The following TMPRSS11E variants were observed in gnomAD, a reference collection of about 807,000 sequenced individuals.
The protein encoded by TMPRSS11E is transmembrane serine protease 11E, also known as transmembrane protease serine 11E.
A neutral mutation model predicts 48.1 loss-of-function variants in TMPRSS11E; 38 were observed. That is an observed-to-expected ratio of 0.79 (90% CI 0.61 to 1.04). The LOEUF (loss-of-function observed/expected upper bound fraction) is 1.04. Among genes scored for constraint, TMPRSS11E ranks in the 50% least tolerant of loss-of-function variants. The probability of loss-of-function intolerance (pLI) is 0.00; values close to 1 mark genes in which losing one functional copy is unlikely to be tolerated. For missense variants in TMPRSS11E, 530 were observed against 510.8 expected, an observed-to-expected ratio of 1.04 and a Z score of -0.36; for synonymous variants, 158 against 171.9, an observed-to-expected ratio of 0.92 and a Z score of 0.63.
rs148289963 is a variant in TMPRSS11E, at chr4:68,496,587, C to T, written c.1111-56C>T. 9.9e-3 allele frequency: 14,865 copies of T among 1,501,082 alleles called. 119 individuals are homozygous for T. The highest frequency in any genetic ancestry group is 0.019 in the Middle Eastern group (107 of 5,608). 93.0% of individuals were successfully genotyped at this position (1,501,082 alleles called of 1,614,324 possible). On this transcript the variant is annotated intron_variant, in intron 9 of 9. Coordinates refer to ENST00000305363, the MANE Select transcript of TMPRSS11E (RefSeq NM_014058.4). ...TACATTCTTAAGTTAGAAAAATAGCCAATTCCTCTGTAATGAACTGAATTA... is the reference window on the plus strand; with the variant it reads ...TACATTCTTAAGTTAGAAAAATAGCTAATTCCTCTGTAATGAACTGAATTA...
chr4:68,484,911 T>C (rs1404406803), intron 9 of TMPRSS11E, among the ~76,000 whole-genome samples: 2 of 152,188 alleles, frequency 1.3e-5, no homozygotes, highest in Non-Finnish European at 2.9e-5. Context: ...TAGTTTGACT[T>C]CCTCTCTTCT....
intron 4 of TMPRSS11E, among the ~76,000 whole-genome samples, chr4:68,469,220 A>G (rs1045167624): frequency 3.9e-5 from 6 of 152,044 alleles, no homozygotes; most frequent in Admixed American, 2.0e-4. Context: ...AGTACTAAAT[A>G]CAGATAGACC....
intron 2 of TMPRSS11E, among the ~76,000 whole-genome samples, chr4:68,464,206 CA>C (rs1255506279): frequency 6.6e-6 from 1 of 152,144 alleles, no homozygotes; most frequent in East Asian, 1.9e-4. Context: ...CTTTGGCAGA[CA>C]AATATTTAGA....
chr4:68,475,840 G>A (rs909807010), intron 6 of TMPRSS11E, among the ~76,000 whole-genome samples: 5 of 152,090 alleles, frequency 3.3e-5, no homozygotes, highest in Admixed American at 1.3e-4. Context: ...AGAATTAAAT[G>A]GTTCAATATG....
At chr4:68,464,962 A>G (rs1205361368) in intron 2 of TMPRSS11E, among the ~76,000 whole-genome samples, 1 of 152,234 alleles carries the variant, frequency 6.6e-6, no homozygotes, top group Non-Finnish European at 1.5e-5. Flanking sequence ...GCAGAATTCT[A>G]GAAGAATGGA....
At chr4:68,449,482 A>G (rs182440326) in intron 1 of TMPRSS11E, among the ~76,000 whole-genome samples, 13 of 151,756 alleles carry the variant, frequency 8.6e-5, no homozygotes, top group African/African-American at 2.9e-4. Context: ...GAAATGAGTA[A>G]TATTCAAATG....
At chr4:68,468,383 C>T (rs1238414193) in intron 3 of TMPRSS11E, among the ~76,000 whole-genome samples, 2 of 152,052 alleles carry the variant, frequency 1.3e-5, no homozygotes, top group Non-Finnish European at 2.9e-5. Flanking sequence ...TTCACCTGGG[C>T]CTTTTTAAGA....
At chr4:68,493,905 C>A (rs769792140) in intron 9 of TMPRSS11E, among the ~76,000 whole-genome samples, 6 of 152,130 alleles carry the variant, frequency 3.9e-5, no homozygotes, top group Non-Finnish European at 7.3e-5. Flanking sequence ...TTCCTTGAAT[C>A]TCCTACTGTT....
At chr4:68,480,956 A>T (rs1212660493) in intron 9 of TMPRSS11E, among the ~76,000 whole-genome samples, 1 of 151,910 alleles carries the variant, frequency 6.6e-6, no homozygotes, top group Non-Finnish European at 1.5e-5. Flanking sequence ...TCCTCCTCCC[A>T]CCCTCAACCC....
In TMPRSS11E at chr4:68,471,520, G is replaced by A. The variant is rs753194655; in HGVS notation, c.387G>A (p.Glu129=). 1.7e-4 allele frequency: 281 copies of A among 1,609,820 alleles called. No individual in the cohort carries two copies. Among genetic ancestry groups the A allele is most frequent in the Non-Finnish European group, 2.2e-4 (262 of 1,178,232 alleles). Residue 129 remains glutamate (E), a synonymous_variant, in exon 5 of 10, where the codon GAG becomes GAA. Coordinates refer to ENST00000305363, the MANE Select transcript of TMPRSS11E (RefSeq NM_014058.4). ...MLLICRFHST[E]DPETVDKIVQ... is the part of the protein sequence containing the mutation. ...TGATTTGTAGATTTCACTCTACTGA[G>A]GATCCTGAAACTGTAGATAAAATTG...
Position 68,476,352 on chromosome 4 carries a change from T to C in TMPRSS11E, c.621T>C (p.Ala207=), listed in dbSNP as rs1222849320. 6.2e-7 allele frequency: 1 copy of C among 1,614,068 alleles called. No homozygotes were observed. The highest frequency in any genetic ancestry group is 8.5e-7 in the Non-Finnish European group (1 of 1,180,008). The part of the protein sequence containing the change: ...EVEEGEWPWQ[A]SLQWDGSHRC... ...AAGAGGGTGAATGGCCCTGGCAGGC[T>C]AGCCTGCAGTGGGATGGGAGTCATC... is the stretch of plus-strand genomic sequence containing the variant. The change falls in exon 7 of 10, where the codon GCT becomes GCC. Residue 207 remains alanine (A), a synonymous_variant. Transcript: ENST00000305363.
At chr4:68,478,545 C>T (rs1439404025) in intron 8 of TMPRSS11E, among the ~76,000 whole-genome samples, 1 of 148,894 alleles carries the variant, frequency 6.7e-6, no homozygotes, top group Non-Finnish European at 1.5e-5. Flanking sequence ...ACCTCTGCCT[C>T]CCGGGTTCAA....
At chr4:68,486,773 A>G (rs1171369754) in intron 9 of TMPRSS11E, among the ~76,000 whole-genome samples, 2 of 152,150 alleles carry the variant, frequency 1.3e-5, no homozygotes, top group Non-Finnish European at 2.9e-5. Context: ...TCTTTTTTGT[A>G]GGCTCTAAGA....
chr4:68,496,205 T>C (rs1464009078), intron 9 of TMPRSS11E, among the ~76,000 whole-genome samples: 1 of 152,138 alleles, frequency 6.6e-6, no homozygotes, highest in Non-Finnish European at 1.5e-5. Flanking sequence ...ATAGAAACCC[T>C]GGTGTCTGAC....
intron 9 of TMPRSS11E, among the ~76,000 whole-genome samples, chr4:68,482,101 C>T (rs1729418247): frequency 6.6e-6 from 1 of 152,120 alleles, no homozygotes; most frequent in South Asian, 2.1e-4. Context: ...ACAATCATGG[C>T]AGAAGGTGAA....
chr4:68,457,221 TA>T (rs1166826467), intron 1 of TMPRSS11E, among the ~76,000 whole-genome samples: 1 of 151,762 alleles, frequency 6.6e-6, no homozygotes, highest in Non-Finnish European at 1.5e-5. Context: ...AACAACCCCA[TA>T]AAAAAGTAGG....
At chr4:68,466,567 A>G (rs1728931642) in intron 2 of TMPRSS11E, 64 bp from the exon 3 acceptor site, 8 of 1,569,592 alleles carry the variant, frequency 5.1e-6, no homozygotes, top group Non-Finnish European at 6.1e-6. Context: ...CCAAGCGGGG[A>G]TATAATGATG....
chr4:68,450,123 G>A (rs1241876697), intron 1 of TMPRSS11E, among the ~76,000 whole-genome samples: 1 of 151,520 alleles, frequency 6.6e-6, no homozygotes, highest in Non-Finnish European at 1.5e-5. Flanking sequence ...TTAGGCTTAG[G>A]CCCAGAGTTG....
chr4:68,468,548 A>G (rs1728981372), intron 3 of TMPRSS11E, among the ~76,000 whole-genome samples: 1 of 152,082 alleles, frequency 6.6e-6, no homozygotes, highest in Non-Finnish European at 1.5e-5. Flanking sequence ...ATGGGCAGTA[A>G]AAGTCCTTAC....
Sources: gnomAD v4.1 joint callset for allele counts (sites outside exome capture counted in the v4.1 genomes callset) on GRCh38, gnomAD v4.1.1 for gene constraint, MANE v1.5 for transcripts, NCBI Gene and HGNC (gene_info 2026-07-23, HGNC 2026-07-21) for gene names.